The following SIRT4 variants were observed in gnomAD, a reference collection of about 807,000 sequenced individuals.
SIRT4 encodes the protein sirtuin 4.
In SIRT4, 23 loss-of-function variants were observed where a neutral mutation model predicts 26.1. The observed-to-expected ratio is 0.88, with a 90% CI of 0.63 to 1.25. The LOEUF is 1.25. SIRT4 is among the 50% of genes most tolerant of loss of function. The pLI is 0.00. For synonymous variants in SIRT4, 155 were observed against 158.4 expected (o/e 0.98, Z 0.16); for missense variants, 361 against 405.4 (o/e 0.89, Z 0.94).
chr12:120,298,908 AAAATAAATAAAT>A (rs34954726), upstream of SIRT4, among the ~76,000 whole-genome samples: 17 of 127,536 alleles, frequency 1.3e-4, no homozygotes, highest in Middle Eastern at 4.2e-3. Flanking sequence ...TCCGTCTCAA[AAAATAAATAAAT>A]AAATAAATAA....
chr12:120,313,245 T>A lies in SIRT4; in HGVS notation c.*209T>A, dbSNP rs1873066858. On this transcript the variant is annotated 3_prime_UTR_variant, in exon 4 of 4. Transcript: ENST00000202967. Reference sequence around the variant, plus strand: ...AAATAAAAAATTGTTCAGCTTTATATGAAATGCTTCATGAATTTGTGTGTC... The same window carrying A: ...AAATAAAAAATTGTTCAGCTTTATAAGAAATGCTTCATGAATTTGTGTGTC... 3.5e-6 allele frequency: 2 copies of A among 576,824 alleles called. No homozygotes were observed. The highest frequency in any genetic ancestry group is 4.4e-5 in the South Asian group (2 of 44,974). The allele number at this position is 576,824 out of a possible 1,614,324, so 35.7% of individuals were successfully genotyped here. A position where few individuals can be genotyped will look rare whatever the true frequency, so the allele number is the denominator to read the frequency against.
At position 120,312,880 on chromosome 12, in the gene SIRT4, G is replaced by A. The variant is rs184356680; in HGVS notation, c.793-4G>A. 3 of 1,614,066 alleles carry A rather than the reference G, an allele frequency of 1.9e-6. No individual in the cohort carries two copies. The highest frequency in any genetic ancestry group is 1.3e-5 in the African/African-American group (1 of 75,040). On this transcript the variant is annotated splice_polypyrimidine_tract_variant and splice_region_variant and intron_variant, in intron 3 of 3. Coordinates refer to ENST00000202967, the MANE Select transcript of SIRT4 (RefSeq NM_012240.3). ...ATTCTTATGTGTGTCTTTTCTCCGTGCAGGTATACTCTGGTTACAGGTTTA... is the reference window on the plus strand; with the variant it reads ...ATTCTTATGTGTGTCTTTTCTCCGTACAGGTATACTCTGGTTACAGGTTTA...
At position 120,312,445 on chromosome 12, in the gene SIRT4, C is replaced by T. The variant is rs2136844959; in HGVS notation, c.498-11C>T. ...GGCATACTGTTCAGTCAGCGTCTTC[C>T]TTGGTTCCAGGGTCCTGTGCTTGGA... On this transcript the variant is annotated splice_polypyrimidine_tract_variant and intron_variant, in intron 2 of 3. Coordinates refer to ENST00000202967, the MANE Select transcript of SIRT4 (RefSeq NM_012240.3). 2 of 1,597,214 alleles carry T rather than the reference C, an allele frequency of 1.3e-6. No individual in the cohort carries two copies. Among genetic ancestry groups the T allele is most frequent in the South Asian group, 2.2e-5 (2 of 89,310 alleles).
chr12:120,295,690 TCA>T, the SIRT4 span, among the ~76,000 whole-genome samples: 2 of 152,024 alleles, frequency 1.3e-5, no homozygotes. Flanking sequence ...CACAGAATGT[TCA>T]CAGTTTCTAA....
At chr12:120,305,006 C>G (rs1872698959) in intron 2 of SIRT4, among the ~76,000 whole-genome samples, 1 of 150,868 alleles carries the variant, frequency 6.6e-6, no homozygotes, top group South Asian at 2.1e-4. Context: ...ATACAAAAAT[C>G]TGTTGGAAGT....
intron 2 of SIRT4, among the ~76,000 whole-genome samples, chr12:120,308,823 G>C (rs1293783820): frequency 6.6e-6 from 1 of 152,142 alleles, no homozygotes; most frequent in Non-Finnish European, 1.5e-5. Flanking sequence ...GAAAGACCTA[G>C]ACTAAGGTGG....
the SIRT4 span, among the ~76,000 whole-genome samples, chr12:120,294,028 G>T: frequency 5.1e-3 from 30 of 5,906 alleles, no homozygotes; most frequent in South Asian, 7.5e-3. Context: ...TTGAGATGGA[G>T]TTTTTGCTCT....
At chr12:120,297,893 G>C (rs1872390470), upstream of SIRT4, among the ~76,000 whole-genome samples, 2 of 151,996 alleles carry the variant, frequency 1.3e-5, no homozygotes, top group South Asian at 4.1e-4. Context: ...ATTTTGGGGG[G>C]GATTATAATT....
At chr12:120,311,832 T>A (rs572132677) in intron 2 of SIRT4, among the ~76,000 whole-genome samples, 1 of 145,622 alleles carries the variant, frequency 6.9e-6, no homozygotes, top group African/African-American at 2.6e-5. Flanking sequence ...TTAGAAGGAA[T>A]GGTAATAGAC....
At chr12:120,295,215 T>C in the SIRT4 span, among the ~76,000 whole-genome samples, 1 of 90,704 alleles carries the variant, frequency 1.1e-5, no homozygotes, top group South Asian at 5.1e-4. Flanking sequence ...GTTTCTGTTT[T>C]CCTTTTTTTT....
chr12:120,307,630 C>T (rs1872791308), intron 2 of SIRT4, among the ~76,000 whole-genome samples: 1 of 152,084 alleles, frequency 6.6e-6, no homozygotes, highest in African/African-American at 2.4e-5. Flanking sequence ...GAGGCCGAGG[C>T]AGGGGATCAC....
the SIRT4 span, chr12:120,292,972 CTGG>C: frequency 6.6e-6 from 1 of 152,192 alleles, no homozygotes; most frequent in Non-Finnish European, 1.5e-5. Flanking sequence ...CGCGAATCAG[CTGG>C]TAAGACACTT....
At chr12:120,305,441 T>C (rs188372204) in intron 2 of SIRT4, among the ~76,000 whole-genome samples, 4 of 152,178 alleles carry the variant, frequency 2.6e-5, no homozygotes, top group Admixed American at 1.3e-4. Context: ...TTTTATTTTT[T>C]GTAGAGACGA....
At chr12:120,294,326 G>A in the SIRT4 span, among the ~76,000 whole-genome samples, 1 of 150,378 alleles carries the variant, frequency 6.6e-6, no homozygotes. Context: ...TTTTTGAGAC[G>A]AAGTTTTGCT....
At chr12:120,292,837 G>C in the SIRT4 span, among the ~76,000 whole-genome samples, 1 of 151,830 alleles carries the variant, frequency 6.6e-6, no homozygotes, top group Non-Finnish European at 1.5e-5. Flanking sequence ...AAGAAAACAG[G>C]ACAGCCAACT....
At chr12:120,291,915 G>A in the SIRT4 span, 101,140 of 151,450 alleles carry the variant, frequency 0.67, 34,274 homozygotes, top group East Asian at 0.9. Flanking sequence ...GAAAGGTTCT[G>A]TTCGCGCCCC....
Position 120,312,652 on chromosome 12 carries a change from G to A in SIRT4, c.694G>A (p.Val232Ile), listed in dbSNP as rs557152464. Residue 232 changes from valine to isoleucine, a missense_variant, in exon 3 of 4, where the codon GTT becomes ATT. By Grantham distance (29) the Val-to-Ile change is conservative. Coordinates refer to ENST00000202967, the MANE Select transcript of SIRT4 (RefSeq NM_012240.3). ...TGGAGGCCATCTGAAACCAGATGTCGTTTTCTTCGGGGACACAGTGAACCC... is the reference window on the plus strand; with the variant it reads ...TGGAGGCCATCTGAAACCAGATGTCATTTTCTTCGGGGACACAGTGAACCC... Reference protein sequence around the residue: ...QCGGHLKPDVVFFGDTVNPDK... With the variant: ...QCGGHLKPDVIFFGDTVNPDK... 4.2e-5 allele frequency: 68 copies of A among 1,614,086 alleles called. 3 individuals are homozygous for A. In the South Asian group the frequency reaches 5.6e-4, roughly 13 times the overall value.
At chr12:120,308,715 G>A (rs1872842503) in intron 2 of SIRT4, among the ~76,000 whole-genome samples, 1 of 152,130 alleles carries the variant, frequency 6.6e-6, no homozygotes, top group Non-Finnish European at 1.5e-5. Context: ...CACCAAAGGG[G>A]TTTATTAGTG....
intron 2 of SIRT4, among the ~76,000 whole-genome samples, chr12:120,308,239 G>A (rs900603199): frequency 6.8e-6 from 1 of 147,566 alleles, no homozygotes; most frequent in Non-Finnish European, 1.5e-5. Flanking sequence ...GCACGGTCTC[G>A]GCTCACTGCA....
Sources: allele counts gnomAD v4.1 joint callset (sites outside exome capture counted in the v4.1 genomes callset), GRCh38; gene constraint gnomAD v4.1.1; transcripts MANE v1.5; gene names NCBI Gene and HGNC (gene_info 2026-07-23, HGNC 2026-07-21).